POGLUT3: variants seen among roughly 807,000 people sequenced by gnomAD.
POGLUT3 encodes protein O-glucosyltransferase 3, also known as KDEL (Lys-Asp-Glu-Leu) containing 2.
A neutral mutation model predicts 54.3 loss-of-function variants in POGLUT3; 48 were observed. That is an observed-to-expected ratio of 0.88 (90% CI 0.70 to 1.12). The LOEUF (loss-of-function observed/expected upper bound fraction) is 1.12, where lower values mean the gene tolerates loss of function less well. POGLUT3 is among the 50% of genes most tolerant of loss of function. The probability of loss-of-function intolerance (pLI) is 0.00; values close to 1 mark genes in which losing one functional copy is unlikely to be tolerated. For missense variants in POGLUT3, 629 were observed against 618.7 expected (o/e 1.02, Z -0.18); for synonymous variants, 218 against 237.4 (o/e 0.92, Z 0.75).
At chr11:108,479,207 C>A in intron 6 of POGLUT3, 94 bp downstream of exon 6, 1 of 815,486 alleles carries the variant, frequency 1.2e-6, no homozygotes, top group African/African-American at 1.8e-5. Context: ...TCTTTTCATT[C>A]CATTATGTCA....
chr11:108,481,321 TC>T lies in POGLUT3; in HGVS notation c.956del (p.Arg319GlnfsTer18). On this transcript the variant is annotated frameshift_variant, in exon 5 of 8. Transcript: ENST00000323468. LOFTEE classifies it high-confidence loss of function. ...GCTGTACCAACTGGAGCCTCTCCTCTCGGCTGTCTCTACCTCTGAAGAAAGC... is the reference window on the plus strand; with the variant it reads ...GCTGTACCAACTGGAGCCTCTCCTCTGGCTGTCTCTACCTCTGAAGAAAGC... ...ERAFFRGRDSREERLQLVQLS... is the reference protein window; with the variant it reads ...ERAFFRGRDSXEERLQLVQLS... 6.2e-7 allele frequency: 1 copy of T among 1,611,740 alleles called. No homozygotes were observed. Among genetic ancestry groups the T allele is most frequent in the Non-Finnish European group, 8.5e-7 (1 of 1,179,330 alleles).
intron 5 of POGLUT3, 64 bp from the exon 6 acceptor site, chr11:108,479,559 A>C (rs532001879): frequency 8.1e-7 from 1 of 1,228,050 alleles, no homozygotes; most frequent in East Asian, 2.5e-5. Context: ...TCTGCTCCTC[A>C]TCAACACTGT....
At chr11:108,485,954 G>A (rs544535689) in intron 3 of POGLUT3, among the ~76,000 whole-genome samples, 2 of 152,158 alleles carry the variant, frequency 1.3e-5, no homozygotes, top group South Asian at 2.1e-4. Context: ...CACCATGCCT[G>A]GCCTCAAGCC....
At chr11:108,475,069 C>G in intron 7 of POGLUT3, 117 bp from the exon 8 acceptor site, 1 of 1,074,948 alleles carries the variant, frequency 9.3e-7, no homozygotes, top group Non-Finnish European at 1.4e-6. Flanking sequence ...TGTCTGCAGA[C>G]TAAAACCAAA....
chr11:108,488,358 G>A (rs1457362587), intron 2 of POGLUT3, among the ~76,000 whole-genome samples: 3 of 152,176 alleles, frequency 2.0e-5, no homozygotes, highest in African/African-American at 7.2e-5. Context: ...TAGGTATTAG[G>A]CAATGAAGGA....
chr11:108,497,109 A>G (rs374466249), intron 1 of POGLUT3, among the ~76,000 whole-genome samples: 128 of 152,320 alleles, frequency 8.4e-4, no homozygotes, highest in African/African-American at 2.9e-3. Context: ...AGTTATTTGC[A>G]TGTCTTTGAC....
At chr11:108,482,590 T>C (rs935801926) in intron 3 of POGLUT3, among the ~76,000 whole-genome samples, 2 of 151,830 alleles carry the variant, frequency 1.3e-5, no homozygotes, top group Non-Finnish European at 2.9e-5. Context: ...CTACTAAACT[T>C]ACAAAAATTA....
intron 2 of POGLUT3, 64 bp from the exon 3 acceptor site, chr11:108,486,504 C>T: frequency 4.1e-6 from 6 of 1,478,994 alleles, no homozygotes; most frequent in Non-Finnish European, 5.6e-6. Flanking sequence ...CAGGGAGTCA[C>T]TTCTGTCTCT....
intron 1 of POGLUT3, among the ~76,000 whole-genome samples, chr11:108,495,331 T>C (rs2093620405): frequency 6.6e-6 from 1 of 152,120 alleles, no homozygotes. Context: ...CTACCACGCC[T>C]GGCTGATATT....
intron 1 of POGLUT3, among the ~76,000 whole-genome samples, chr11:108,497,191 C>T (rs140171695): frequency 6.6e-6 from 1 of 152,324 alleles, no homozygotes; most frequent in African/African-American, 2.4e-5. Context: ...AATTACCAAA[C>T]ACAGAAGTAG....
At chr11:108,493,000 A>C (rs541184992) in intron 1 of POGLUT3, among the ~76,000 whole-genome samples, 7 of 152,232 alleles carry the variant, frequency 4.6e-5, no homozygotes, top group African/African-American at 1.7e-4. Flanking sequence ...GGAAATGTAC[A>C]AAAAGGTTTT....
At chr11:108,478,492 C>A (rs60919561) in intron 6 of POGLUT3, among the ~76,000 whole-genome samples, 11,681 of 152,214 alleles carry the variant, frequency 0.077, 1,378 homozygotes, top group African/African-American at 0.25. Flanking sequence ...ACGCAGTCAA[C>A]GTCAAAAAGT....
rs368363744 is a variant in POGLUT3, at chr11:108,474,943, C to T, written c.1408G>A (p.Glu470Lys). The change falls in exon 8 of 8, where the codon GAG becomes AAG. Residue 470 changes from glutamate (E) to lysine (K), a missense_variant. By Grantham distance (56) the Glu-to-Lys change is moderately conservative (BLOSUM62 1). Coordinates refer to ENST00000323468, the MANE Select transcript of POGLUT3 (RefSeq NM_153705.5). The part of the protein sequence containing the change: ...YYYQVLQKYA[E>K]RQSSKPEVRD... ...ACTTCGGGTTTGCTGGACTGGCGCTCGGCATATTTCTGAAACGTGGGTTTA... is the reference window on the plus strand; with the variant it reads ...ACTTCGGGTTTGCTGGACTGGCGCTTGGCATATTTCTGAAACGTGGGTTTA... 22 of 1,613,726 alleles carry T rather than the reference C, an allele frequency of 1.4e-5. No individual in the cohort carries two copies. Among genetic ancestry groups the T allele is most frequent in the Middle Eastern group, 1.7e-4 (1 of 6,034 alleles).
chr11:108,475,468 T>G (rs2093579699), intron 7 of POGLUT3, among the ~76,000 whole-genome samples: 1 of 141,484 alleles, frequency 7.1e-6, no homozygotes, highest in African/African-American at 2.7e-5. Context: ...TTTTTGTTTT[T>G]GTTTTTTTTT....
intron 3 of POGLUT3, among the ~76,000 whole-genome samples, chr11:108,482,734 A>C (rs1266759429): frequency 3.3e-5 from 5 of 152,196 alleles, no homozygotes; most frequent in Non-Finnish European, 7.3e-5. Context: ...CGACAGAGCA[A>C]GACTCTGTCT....
chr11:108,490,851 G>A (rs11212676), intron 2 of POGLUT3, 119 bp downstream of exon 2: 248,907 of 602,766 alleles, frequency 0.41, 53,478 homozygotes, highest in Middle Eastern at 0.6. Context: ...AGCTCCAGGA[G>A]GTATGTATAC....
chr11:108,498,199 G>A lies in POGLUT3; in HGVS notation c.168C>T (p.Asn56=), dbSNP rs1296662941. The A allele has an allele frequency of 3.9e-6, 6 of 1,521,440 alleles. No individual in the cohort carries two copies. The highest frequency in any genetic ancestry group is 5.3e-6 in the Non-Finnish European group (6 of 1,136,496). The allele number at this position is 1,521,440 out of a possible 1,614,324, so 94.2% of individuals were successfully genotyped here. Reference sequence around the variant, plus strand: ...AGCGAGTGAGGTTCTGGCCCTCCGAGTTGACCGCCTGCAGGTAGAAATAGC... The same window carrying A: ...AGCGAGTGAGGTTCTGGCCCTCCGAATTGACCGCCTGCAGGTAGAAATAGC... ...PVRYFYLQAV[N]SEGQNLTRSP... Residue 56 remains asparagine, a synonymous_variant, in exon 1 of 8, where the codon AAC becomes AAT. Transcript: ENST00000323468.
chr11:108,484,787 A>C (rs1036355309), intron 3 of POGLUT3, among the ~76,000 whole-genome samples: 1 of 151,738 alleles, frequency 6.6e-6, no homozygotes, highest in Non-Finnish European at 1.5e-5. Flanking sequence ...AAACAAAAAA[A>C]CTCCCTTTAT....
chr11:108,482,068 T>A lies in POGLUT3; in HGVS notation c.839A>T (p.His280Leu). ...ACCCCGCATGGCTTCAAGCATGGAGTGGGTGATGTCATACGTTGGAAGGAC... is the reference window on the plus strand; with the variant it reads ...ACCCCGCATGGCTTCAAGCATGGAGAGGGTGATGTCATACGTTGGAAGGAC... The part of the protein sequence containing the change: ...DVVLPTYDIT[H>L]SMLEAMRGVT... Residue 280 changes from histidine to leucine, a missense_variant, in exon 4 of 8, where the codon CAC (histidine) becomes CTC (leucine). Physicochemically the swap from His to Leu is moderately conservative, Grantham distance 99. Transcript: ENST00000323468. The A allele has an allele frequency of 6.2e-7, 1 of 1,613,938 alleles. No individual in the cohort carries two copies. The highest frequency in any genetic ancestry group is 1.1e-5 in the South Asian group (1 of 91,076).
Sources: allele counts gnomAD v4.1 joint callset (sites outside exome capture counted in the v4.1 genomes callset), GRCh38; gene constraint gnomAD v4.1.1; transcripts MANE v1.5; gene names NCBI Gene and HGNC (gene_info 2026-07-23, HGNC 2026-07-21).